The following SETD3 variants were observed in gnomAD, a reference collection of about 807,000 sequenced individuals.
SETD3 encodes the protein SET domain containing 3, actin N3(tau)-histidine methyltransferase, also known as actin-histidine N-methyltransferase.
In SETD3, 19 loss-of-function variants were observed where a neutral mutation model predicts 63.0. The observed-to-expected ratio is 0.30, with a 90% CI of 0.21 to 0.44. The LOEUF is 0.44. Ranked by LOEUF, SETD3 falls within the 20% of genes least tolerant of loss-of-function variation. The probability of loss-of-function intolerance (pLI) is 1.00; values close to 1 mark genes in which losing one functional copy is unlikely to be tolerated. For missense variants in SETD3, 587 were observed against 728.5 expected (o/e 0.81, Z 2.24); for synonymous variants, 286 against 264.1 (o/e 1.08, Z -0.80).
chr14:99,435,824 T>C (rs903232658), intron 6 of SETD3, among the ~76,000 whole-genome samples: 2 of 150,600 alleles, frequency 1.3e-5, no homozygotes, highest in Admixed American at 1.3e-4. Context: ...AGTGAATAAC[T>C]GACAAAGAAA....
intron 6 of SETD3, among the ~76,000 whole-genome samples, chr14:99,451,579 T>C (rs1340192754): frequency 6.6e-6 from 1 of 152,168 alleles, no homozygotes; most frequent in Non-Finnish European, 1.5e-5. Context: ...TGATCACGGC[T>C]CACTGCAGCC....
chr14:99,441,732 C>A (rs1038862683), intron 6 of SETD3, among the ~76,000 whole-genome samples: 1 of 152,176 alleles, frequency 6.6e-6, no homozygotes, highest in Non-Finnish European at 1.5e-5. Flanking sequence ...GAGGAAGCAG[C>A]CCCTGATGAG....
chr14:99,475,659 A>G lies in SETD3; in HGVS notation c.-9+5069T>C, dbSNP rs552840313. ...AACCACTTAAGCATATTATACTTCA[A>G]TGAACTGTTTTTTTTTTAAGTCAAC... is the stretch of plus-strand genomic sequence containing the variant. On this transcript the variant is annotated intron_variant, in intron 1 of 12. Transcript: ENST00000331768. Among the ~76,000 whole-genome samples, 5 of 152,340 alleles carry G rather than the reference A, an allele frequency of 3.3e-5. No individual in the cohort carries two copies. The South Asian group carries it at 1.0e-3, about 32-fold the overall frequency.
At chr14:99,475,370 C>A (rs144870332) in intron 1 of SETD3, among the ~76,000 whole-genome samples, 8 of 152,206 alleles carry the variant, frequency 5.3e-5, no homozygotes, top group Non-Finnish European at 7.3e-5. Context: ...ACAGAGAGAG[C>A]GTGTTATTCC....
chr14:99,478,229 G>T (rs1469496260), intron 1 of SETD3, among the ~76,000 whole-genome samples: 1 of 152,152 alleles, frequency 6.6e-6, no homozygotes, highest in Non-Finnish European at 1.5e-5. Flanking sequence ...TCACCGTTCT[G>T]TTAAAAACAT....
chr14:99,400,900 G>C (rs1467711604), intron 11 of SETD3, among the ~76,000 whole-genome samples: 1 of 152,212 alleles, frequency 6.6e-6, no homozygotes, highest in Non-Finnish European at 1.5e-5. Context: ...AGCACTTTGG[G>C]AAGCCAAGGC....
chr14:99,453,731 CAGG>C (rs1468391870), intron 6 of SETD3, among the ~76,000 whole-genome samples: 1 of 151,756 alleles, frequency 6.6e-6, no homozygotes, highest in Non-Finnish European at 1.5e-5. Flanking sequence ...GAGGCTGAGG[CAGG>C]AGAATTGCTT....
At position 99,459,136 on chromosome 14, in the gene SETD3, T is replaced by G; in HGVS notation, c.395A>C (p.Glu132Ala). ...ACCCAACACTGAATTTTTAGCAGAT[T>G]CAACAGTCATTAGCAATTTTCGTGG... ...WVPRKLLMTV[E>A]SAKNSVLGPL... Residue 132 changes from glutamate (E) to alanine (A), a missense_variant, in exon 5 of 13, where the codon GAA becomes GCA. By Grantham distance (107) the Glu-to-Ala change is moderately radical. Transcript: ENST00000331768. The G allele has an allele frequency of 6.2e-7, 1 of 1,611,078 alleles. No individual in the cohort carries two copies. Among genetic ancestry groups the G allele is most frequent in the Non-Finnish European group, 8.5e-7 (1 of 1,178,870 alleles).
chr14:99,439,116 G>A (rs962465038), intron 6 of SETD3, among the ~76,000 whole-genome samples: 4 of 152,194 alleles, frequency 2.6e-5, no homozygotes, highest in African/African-American at 7.2e-5. Context: ...CAACTTTGGC[G>A]GGAGCCACAG....
upstream of SETD3, among the ~76,000 whole-genome samples, chr14:99,484,991 A>C (rs1422581030): frequency 6.6e-6 from 1 of 152,252 alleles, no homozygotes; most frequent in African/African-American, 2.4e-5. Context: ...TTTCAGAGGA[A>C]TCACAAGCTA....
At chr14:99,444,607 C>T (rs1162040485) in intron 6 of SETD3, among the ~76,000 whole-genome samples, 1 of 152,122 alleles carries the variant, frequency 6.6e-6, no homozygotes, top group East Asian at 1.9e-4. Flanking sequence ...ACCTGTAATC[C>T]CTGCACATTG....
chr14:99,442,279 T>C (rs1595213177), intron 6 of SETD3, among the ~76,000 whole-genome samples: 1 of 152,312 alleles, frequency 6.6e-6, no homozygotes, highest in East Asian at 1.9e-4. Context: ...TTATCAAATG[T>C]TAGTTGTTTG....
rs757805384 is a variant in SETD3 at position 99,441,657 on chromosome 14, TGAG to T, written c.675+16619_675+16621del. Reference sequence around the variant, plus strand: ...AGGAAGGGGGTCCACAGCAAAGTCCTGAGGAGAAGAGGCTGGCAAGTCCTGGGC... The same window carrying T: ...AGGAAGGGGGTCCACAGCAAAGTCCTGAGAAGAGGCTGGCAAGTCCTGGGC... On this transcript the variant is annotated intron_variant, in intron 6 of 12. Coordinates refer to ENST00000331768, the MANE Select transcript of SETD3 (RefSeq NM_032233.3). 4.6e-5 allele frequency among the ~76,000 whole-genome samples: 7 copies of T among 152,266 alleles called. No individual in the cohort carries two copies. In the East Asian group the frequency reaches 9.7e-4, roughly 21 times the overall value.
intron 11 of SETD3, among the ~76,000 whole-genome samples, chr14:99,402,483 C>A (rs1891440614): frequency 6.6e-6 from 1 of 152,178 alleles, no homozygotes; most frequent in African/African-American, 2.4e-5. Context: ...GGTGCAGTAG[C>A]AAGATCACGG....
At chr14:99,455,115 A>T (rs1351566283) in intron 6 of SETD3, among the ~76,000 whole-genome samples, 1 of 152,274 alleles carries the variant, frequency 6.6e-6, no homozygotes, top group Non-Finnish European at 1.5e-5. Flanking sequence ...ACTACAAAGC[A>T]TGTGCTCTTT....
At chr14:99,401,872 C>A (rs540734967) in intron 11 of SETD3, among the ~76,000 whole-genome samples, 1 of 152,246 alleles carries the variant, frequency 6.6e-6, no homozygotes, top group Admixed American at 6.5e-5. Context: ...GCTTTCTCTC[C>A]GCTACTTTTT....
At chr14:99,434,846 T>TTAAAAA (rs1566706239) in intron 6 of SETD3, among the ~76,000 whole-genome samples, 1 of 18,900 alleles carries the variant, frequency 5.3e-5, no homozygotes, top group African/African-American at 3.0e-4. Flanking sequence ...AAACTCTGCC[T>TTAAAAA]CAAAAAAAAA....
intron 1 of SETD3, among the ~76,000 whole-genome samples, chr14:99,480,247 GAGGA>G (rs1417254806): frequency 6.6e-6 from 1 of 152,068 alleles, no homozygotes; most frequent in Non-Finnish European, 1.5e-5. Context: ...GGGGTGACGG[GAGGA>G]AGGAAGGAAA....
chr14:99,424,713 A>C (rs1298217554), intron 6 of SETD3, among the ~76,000 whole-genome samples: 1 of 152,118 alleles, frequency 6.6e-6, no homozygotes, highest in Non-Finnish European at 1.5e-5. Context: ...TAAGAAACCC[A>C]GGTGGAGACA....
Sources: gnomAD v4.1 joint callset for allele counts (sites outside exome capture counted in the v4.1 genomes callset) on GRCh38, gnomAD v4.1.1 for gene constraint, MANE v1.5 for transcripts, NCBI Gene and HGNC (gene_info 2026-07-23, HGNC 2026-07-21) for gene names.